Variants in ALKAL1 observed in about 807,000 individuals in gnomAD.
ALKAL1 encodes the protein AUG-beta.
ALKAL1 carries 23 observed loss-of-function variants against 13.5 expected under a neutral mutation model. The ratio of observed to expected loss-of-function variants is 1.70; its 90% CI spans 1.23 to 2.41. The LOEUF (loss-of-function observed/expected upper bound fraction) is 2.41, where lower values mean the gene tolerates loss of function less well. ALKAL1 is among the 30% of genes most tolerant of loss of function. ALKAL1 has a pLI of 0.00. For missense variants in ALKAL1, 181 were observed against 178.4 expected, an observed-to-expected ratio of 1.01 and a Z score of -0.08; for synonymous variants, 85 against 77.7, an observed-to-expected ratio of 1.09 and a Z score of -0.49.
chr8:52,558,256 G>A (rs1045241315), intron 1 of ALKAL1, among the ~76,000 whole-genome samples: 3 of 139,872 alleles, frequency 2.1e-5, no homozygotes, highest in Non-Finnish European at 4.5e-5. Flanking sequence ...GCTGAGGTGA[G>A]AGAACTCCTT....
intron 1 of ALKAL1, among the ~76,000 whole-genome samples, chr8:52,544,093 G>T (rs1054637811): frequency 1.3e-5 from 2 of 151,902 alleles, no homozygotes; most frequent in Non-Finnish European, 2.9e-5. Context: ...AAAGGGATGC[G>T]GTCTTGTCCC....
intron 3 of ALKAL1, 53 bp from the exon 4 acceptor site, chr8:52,538,560 G>A (rs1252927439): frequency 3.4e-6 from 4 of 1,188,156 alleles, no homozygotes; most frequent in African/African-American, 3.1e-5. Context: ...GAAATGTTGG[G>A]GAAATCCTGT....
chr8:52,549,835 G>A (rs1015851778), intron 1 of ALKAL1, among the ~76,000 whole-genome samples: 3 of 151,988 alleles, frequency 2.0e-5, no homozygotes, highest in East Asian at 1.9e-4. Context: ...CCAGCTACTC[G>A]AGAGGCCGAG....
chr8:52,563,795 G>T (rs1001708791), intron 1 of ALKAL1, among the ~76,000 whole-genome samples: 1 of 152,132 alleles, frequency 6.6e-6, no homozygotes, highest in African/African-American at 2.4e-5. Context: ...CAGCTGGGCA[G>T]CCCACCTCAG....
At chr8:52,561,076 T>A (rs201497030) in intron 1 of ALKAL1, among the ~76,000 whole-genome samples, 1 of 151,980 alleles carries the variant, frequency 6.6e-6, no homozygotes, top group Admixed American at 6.6e-5. Context: ...AAATGATTTT[T>A]AAAAAAAAGT....
At chr8:52,560,243 A>G (rs1590871027) in intron 1 of ALKAL1, among the ~76,000 whole-genome samples, 2 of 152,210 alleles carry the variant, frequency 1.3e-5, no homozygotes, top group Non-Finnish European at 2.9e-5. Context: ...TTTTATTAAT[A>G]TGTAAAAGAC....
At chr8:52,538,392 G>T in intron 4 of ALKAL1, 39 bp downstream of exon 4, 4 of 1,137,826 alleles carry the variant, frequency 3.5e-6, no homozygotes, top group South Asian at 1.4e-5. Context: ...AATAAAGTTA[G>T]ACTATTAAAC....
At chr8:52,542,107 T>C (rs764908193) in intron 2 of ALKAL1, among the ~76,000 whole-genome samples, 1 of 152,198 alleles carries the variant, frequency 6.6e-6, no homozygotes, top group Non-Finnish European at 1.5e-5. Flanking sequence ...TATTCATCCC[T>C]TAAAGCCCAC....
At chr8:52,546,786 G>T (rs1847373618) in intron 1 of ALKAL1, among the ~76,000 whole-genome samples, 1 of 152,212 alleles carries the variant, frequency 6.6e-6, no homozygotes. Flanking sequence ...CTTTGTTCAG[G>T]TGTATTGTTG....
intron 1 of ALKAL1, among the ~76,000 whole-genome samples, chr8:52,550,592 T>C (rs1847419695): frequency 1.3e-5 from 2 of 152,214 alleles, no homozygotes; most frequent in South Asian, 4.1e-4. Context: ...AACAGAGACT[T>C]GCTATCTCGC....
chr8:52,540,621 A>C (rs1847303748), intron 2 of ALKAL1, among the ~76,000 whole-genome samples: 2 of 152,194 alleles, frequency 1.3e-5, no homozygotes, highest in South Asian at 4.1e-4. Flanking sequence ...GTCCCACCTC[A>C]GTTACTCTAG....
rs1017102462 is a variant in ALKAL1, at chr8:52,561,042, C to T, written c.190+4025G>A. Among the ~76,000 whole-genome samples, 11 of 152,196 alleles carry T rather than the reference C, an allele frequency of 7.2e-5. No homozygotes were observed. The East Asian group carries it at 7.7e-4, about 11-fold the overall frequency. On this transcript the variant is annotated intron_variant, in intron 1 of 4. Coordinates refer to ENST00000358543, the MANE Select transcript of ALKAL1 (RefSeq NM_207413.4). ...CTACATATAACAAAATATCATGTTGCACACTTTAAATATATACAACAAAAA... is the reference window on the plus strand; with the variant it reads ...CTACATATAACAAAATATCATGTTGTACACTTTAAATATATACAACAAAAA...
intron 1 of ALKAL1, among the ~76,000 whole-genome samples, chr8:52,548,063 T>C (rs188245526): frequency 7.9e-5 from 12 of 152,278 alleles, no homozygotes; most frequent in African/African-American, 2.9e-4. Context: ...GAAATGTAAC[T>C]TTACGCCGGG....
chr8:52,562,117 G>A (rs1035626795), intron 1 of ALKAL1, among the ~76,000 whole-genome samples: 1 of 152,114 alleles, frequency 6.6e-6, no homozygotes, highest in East Asian at 1.9e-4. Context: ...TCCTGCTGGT[G>A]GCGCAGTGAC....
At chr8:52,539,272 C>A (rs1042205230) in intron 3 of ALKAL1, among the ~76,000 whole-genome samples, 8 of 152,098 alleles carry the variant, frequency 5.3e-5, no homozygotes, top group African/African-American at 1.9e-4. Context: ...AACTGAGTTA[C>A]CACACATAGT....
intron 1 of ALKAL1, among the ~76,000 whole-genome samples, chr8:52,555,535 G>GA (rs887398205): frequency 9.9e-5 from 15 of 152,260 alleles, no homozygotes; most frequent in Admixed American, 3.9e-4. Context: ...ACAAGGTAAA[G>GA]AAACAGTGCA....
At chr8:52,544,042 C>T (rs577441621) in intron 1 of ALKAL1, among the ~76,000 whole-genome samples, 1 of 152,078 alleles carries the variant, frequency 6.6e-6, no homozygotes, top group Admixed American at 6.6e-5. Context: ...TGATGGGGCA[C>T]CGTGTGTGTC....
chr8:52,554,126 A>G (rs1435066260), intron 1 of ALKAL1, among the ~76,000 whole-genome samples: 2 of 152,182 alleles, frequency 1.3e-5, no homozygotes, highest in African/African-American at 4.8e-5. Flanking sequence ...CGGGAGGCTG[A>G]GGCAGGGGAA....
chr8:52,558,940 C>T (rs1847512256), intron 1 of ALKAL1, among the ~76,000 whole-genome samples: 1 of 151,978 alleles, frequency 6.6e-6, no homozygotes, highest in Admixed American at 6.6e-5. Flanking sequence ...AGGCTGCTTC[C>T]ACTCATGATG....
Sources: allele counts gnomAD v4.1 joint callset (sites outside exome capture counted in the v4.1 genomes callset), GRCh38; gene constraint gnomAD v4.1.1; transcripts MANE v1.5; gene names NCBI Gene and HGNC (gene_info 2026-07-23, HGNC 2026-07-21).